PTPRG: variants seen among roughly 807,000 people sequenced by gnomAD.
The protein encoded by PTPRG is protein tyrosine phosphatase receptor type G, also known as receptor-type tyrosine-protein phosphatase gamma.
In PTPRG, 102 loss-of-function variants were observed where a neutral mutation model predicts 165.3. That is an observed-to-expected ratio of 0.62 (90% CI 0.53 to 0.73). PTPRG has a LOEUF of 0.73. PTPRG is among the 30% of genes least tolerant of loss of function. The probability of loss-of-function intolerance (pLI) is 0.00; values close to 1 mark genes in which losing one functional copy is unlikely to be tolerated. For missense variants in PTPRG, 1,866 were observed against 1,861.4 expected (o/e 1.00, Z -0.05); for synonymous variants, 675 against 669.5 (o/e 1.01, Z -0.13).
intron 5 of PTPRG, among the ~76,000 whole-genome samples, chr3:62,120,101 G>T (rs779838534): frequency 1.4e-3 from 216 of 151,232 alleles, no homozygotes; most frequent in Non-Finnish European, 2.3e-3. Flanking sequence ...AGTTTTTTGG[G>T]TTTTTTTTTA....
At chr3:62,062,479 G>A (rs936116816) in intron 4 of PTPRG, among the ~76,000 whole-genome samples, 3 of 152,122 alleles carry the variant, frequency 2.0e-5, no homozygotes, top group Non-Finnish European at 4.4e-5. Flanking sequence ...TGGGGGGAAA[G>A]CATATGAAAC....
chr3:61,830,929 A>G (rs894255489), intron 2 of PTPRG, among the ~76,000 whole-genome samples: 28 of 152,140 alleles, frequency 1.8e-4, no homozygotes, highest in African/African-American at 6.5e-4. Flanking sequence ...AGCTGTAGTG[A>G]AATTTGTGCT....
At chr3:61,690,513 G>A (rs890584707) in intron 1 of PTPRG, among the ~76,000 whole-genome samples, 5 of 152,182 alleles carry the variant, frequency 3.3e-5, no homozygotes, top group African/African-American at 1.2e-4. Flanking sequence ...GCAAAGAGTG[G>A]AAGACAGGTT....
intron 2 of PTPRG, among the ~76,000 whole-genome samples, chr3:61,843,840 AAAC>A (rs2036724002): frequency 6.6e-6 from 1 of 151,984 alleles, no homozygotes; most frequent in African/African-American, 2.4e-5. Flanking sequence ...AAAAAACAAA[AAAC>A]CCAGTTTTCC....
At chr3:61,826,664 G>C (rs542985636) in intron 2 of PTPRG, among the ~76,000 whole-genome samples, 1 of 152,210 alleles carries the variant, frequency 6.6e-6, no homozygotes, top group South Asian at 2.1e-4. Flanking sequence ...TTTTTACAGT[G>C]AGGTAAAATA....
At chr3:61,633,487 T>C (rs1248567640) in intron 1 of PTPRG, among the ~76,000 whole-genome samples, 1 of 152,246 alleles carries the variant, frequency 6.6e-6, no homozygotes. Flanking sequence ...TTTTGGATTG[T>C]TCATTGCTAA....
At chr3:61,986,234 T>C (rs1051061119) in intron 2 of PTPRG, among the ~76,000 whole-genome samples, 1 of 151,642 alleles carries the variant, frequency 6.6e-6, no homozygotes, top group Non-Finnish European at 1.5e-5. Flanking sequence ...AAAAATATGT[T>C]TTAAGGGCTT....
chr3:61,988,369 C>A (rs1414766100), intron 2 of PTPRG, among the ~76,000 whole-genome samples: 2 of 152,066 alleles, frequency 1.3e-5, no homozygotes, highest in Non-Finnish European at 2.9e-5. Context: ...TGAGCTGTTA[C>A]CAGTTTGGGG....
At chr3:61,619,253 T>C (rs1010914774) in intron 1 of PTPRG, among the ~76,000 whole-genome samples, 1 of 152,148 alleles carries the variant, frequency 6.6e-6, no homozygotes, top group African/African-American at 2.4e-5. Context: ...AGGATGGGCT[T>C]GACAGTCTGG....
intron 5 of PTPRG, among the ~76,000 whole-genome samples, chr3:62,115,454 GTGAT>G (rs1255956124): frequency 2.6e-5 from 4 of 152,162 alleles, no homozygotes; most frequent in Non-Finnish European, 4.4e-5. Flanking sequence ...TCGATGAAAA[GTGAT>G]TGGTAATGGA....
chr3:61,974,582 T>G (rs532647143), intron 2 of PTPRG, among the ~76,000 whole-genome samples: 1 of 152,086 alleles, frequency 6.6e-6, no homozygotes, highest in Non-Finnish European at 1.5e-5. Context: ...AAATATGTCC[T>G]TTATGGAACA....
rs191975378 is a variant in PTPRG, at chr3:61,954,287, G to A, written c.191-35338G>A. 3.7e-4 allele frequency among the ~76,000 whole-genome samples: 57 copies of A among 152,276 alleles called. No homozygotes were observed. The East Asian group carries it at 0.011, about 29-fold the overall frequency. On this transcript the variant is annotated intron_variant, in intron 2 of 29. Transcript: ENST00000474889. ...TCATTTTTTAATAACCCTTGGCAGTGTGCTGGGAAATGTGTTAGTGGTATT... is the reference window on the plus strand; with the variant it reads ...TCATTTTTTAATAACCCTTGGCAGTATGCTGGGAAATGTGTTAGTGGTATT...
At chr3:62,044,624 T>G (rs974985033) in intron 4 of PTPRG, among the ~76,000 whole-genome samples, 4 of 152,186 alleles carry the variant, frequency 2.6e-5, no homozygotes, top group Admixed American at 2.6e-4. Context: ...TTTAAAGCAT[T>G]TAATACACAC....
At chr3:61,782,098 A>C (rs1337912547) in intron 2 of PTPRG, among the ~76,000 whole-genome samples, 1 of 152,144 alleles carries the variant, frequency 6.6e-6, no homozygotes, top group Non-Finnish European at 1.5e-5. Flanking sequence ...ATCTAAGTGG[A>C]GATACTTTGT....
chr3:61,818,101 C>G (rs2035842175), intron 2 of PTPRG, among the ~76,000 whole-genome samples: 1 of 152,244 alleles, frequency 6.6e-6, no homozygotes, highest in Non-Finnish European at 1.5e-5. Flanking sequence ...ATACCCCCCA[C>G]CCTAACCCCA....
chr3:61,695,163 A>C (rs2030493185), intron 1 of PTPRG, among the ~76,000 whole-genome samples: 1 of 152,052 alleles, frequency 6.6e-6, no homozygotes. Context: ...GGCGCCTGCT[A>C]CCACGCCCAG....
chr3:62,148,294 G>T (rs1704197414), intron 6 of PTPRG, among the ~76,000 whole-genome samples: 1 of 152,138 alleles, frequency 6.6e-6, no homozygotes, highest in Non-Finnish European at 1.5e-5. Context: ...GCAAGGTGAG[G>T]AGGCAGGTAG....
At chr3:61,575,411 T>C (rs904749877) in intron 1 of PTPRG, among the ~76,000 whole-genome samples, 2 of 152,022 alleles carry the variant, frequency 1.3e-5, no homozygotes, top group African/African-American at 4.8e-5. Context: ...TAAAAAAAAA[T>C]GCATTTTTTT....
In PTPRG at chr3:61,827,441, C is replaced by A. The variant is rs2036145702; in HGVS notation, c.190+78459C>A. On this transcript the variant is annotated intron_variant, in intron 2 of 29. Transcript: ENST00000474889. ...TACTATAGGAAAGGTGGAAGGTGGA[C>A]AGAATCTGGGATCCCAGCCTCACTC... Among the ~76,000 whole-genome samples, 3 of 152,304 alleles carry A rather than the reference C, an allele frequency of 2.0e-5. No homozygotes were observed. The South Asian group carries it at 6.2e-4, about 32-fold the overall frequency.
Sources: gnomAD v4.1 joint callset for allele counts (sites outside exome capture counted in the v4.1 genomes callset) on GRCh38, gnomAD v4.1.1 for gene constraint, MANE v1.5 for transcripts, NCBI Gene and HGNC (gene_info 2026-07-23, HGNC 2026-07-21) for gene names.